The following TBCK variants were observed in gnomAD, a reference collection of about 807,000 sequenced individuals.
The protein encoded by TBCK is TBC domain-containing protein kinase-like protein.
A neutral mutation model predicts 113.4 loss-of-function variants in TBCK; 99 were observed. The ratio of observed to expected loss-of-function variants is 0.87; its 90% CI spans 0.74 to 1.03. The LOEUF (loss-of-function observed/expected upper bound fraction) is 1.03. TBCK is among the 50% of genes least tolerant of loss of function. TBCK has a pLI of 0.00. For missense variants in TBCK, 1,045 were observed against 1,061.3 expected (o/e 0.98, Z 0.21); for synonymous variants, 369 against 370.8 (o/e 1.00, Z 0.05).
chr4:106,236,877 A>G, intron 12 of TBCK, 69 bp from the exon 13 acceptor site: 1 of 864,938 alleles, frequency 1.2e-6, no homozygotes, highest in Non-Finnish European at 1.7e-6. Context: ...GTGTTTAAAA[A>G]GACAAGTAAT....
intron 3 of TBCK, among the ~76,000 whole-genome samples, chr4:106,290,161 G>A (rs1338034577): frequency 6.6e-6 from 1 of 151,980 alleles, no homozygotes; most frequent in Non-Finnish European, 1.5e-5. Flanking sequence ...TAGTGAGCAA[G>A]GAATAATATA....
chr4:106,177,959 G>A (rs565598519), intron 22 of TBCK, among the ~76,000 whole-genome samples: 1 of 151,964 alleles, frequency 6.6e-6, no homozygotes, highest in East Asian at 1.9e-4. Context: ...TAATCTATAA[G>A]CACATGATAT....
Position 106,139,126 on chromosome 4 carries a change from GAATA to G in TBCK, c.2236-22752_2236-22749del. Among the ~76,000 whole-genome samples, 3 of 140,286 alleles carry G rather than the reference GAATA, an allele frequency of 2.1e-5. 1 individual carries two copies. The highest frequency in any genetic ancestry group is 3.6e-3 in the Middle Eastern group (1 of 280). The allele number at this position is 140,286 out of a possible 152,430, so 92.0% of individuals were successfully genotyped here. A position where few individuals can be genotyped will look rare whatever the true frequency, so the allele number is the denominator to read the frequency against. ...TTGCTCTGGTCCTCCTTGTCACTTG[GAATA>G]TTCTCCTTGCCCCCACATCACTCTC... On this transcript the variant is annotated intron_variant, in intron 23 of 25. Coordinates refer to ENST00000394708, the MANE Select transcript of TBCK (RefSeq NM_001163435.3).
intron 20 of TBCK, among the ~76,000 whole-genome samples, chr4:106,196,304 C>T (rs1033156083): frequency 6.6e-6 from 1 of 151,696 alleles, no homozygotes; most frequent in Non-Finnish European, 1.5e-5. Context: ...GTAAAAATCT[C>T]CTTTGTCAAT....
chr4:106,233,376 A>G (rs1317030309), intron 16 of TBCK, among the ~76,000 whole-genome samples: 1 of 152,038 alleles, frequency 6.6e-6, no homozygotes, highest in East Asian at 1.9e-4. Context: ...ATGAAGAACT[A>G]CAGTATTTTT....
At chr4:106,285,867 C>T (rs1579511956) in intron 3 of TBCK, among the ~76,000 whole-genome samples, 1 of 152,310 alleles carries the variant, frequency 6.6e-6, no homozygotes, top group African/African-American at 2.4e-5. Flanking sequence ...CATCTTCTCA[C>T]TTTCTATAAA....
intron 5 of TBCK, among the ~76,000 whole-genome samples, chr4:106,255,458 G>A (rs1224725538): frequency 4.6e-5 from 7 of 152,230 alleles, no homozygotes; most frequent in Admixed American, 4.6e-4. Context: ...CTGTGGCATG[G>A]CAAGCAGGTC....
chr4:106,112,319 T>C lies in TBCK; in HGVS notation c.2411+3884A>G, dbSNP rs538031994. Among the ~76,000 whole-genome samples the C allele has an allele frequency of 1.1e-3, 164 of 152,320 alleles. 1 individual carries two copies. Among genetic ancestry groups the C allele is most frequent in the Middle Eastern group, 3.4e-3 (1 of 294 alleles). ...GCACTCTCTGATTACAAAGGCCATA[T>C]AGAGCATGCCCTTCCTGCTGACAAA... On this transcript the variant is annotated intron_variant, in intron 24 of 25. Transcript: ENST00000394708.
At chr4:106,250,619 G>T in intron 6 of TBCK, 141 bp from the exon 7 acceptor site, 1 of 537,672 alleles carries the variant, frequency 1.9e-6, no homozygotes, top group Non-Finnish European at 3.3e-6. Flanking sequence ...TTTAAAGTCA[G>T]CTCCACTAAA....
chr4:106,049,943 A>G (rs770092017), intron 25 of TBCK, among the ~76,000 whole-genome samples: 16 of 151,994 alleles, frequency 1.1e-4, no homozygotes, highest in Non-Finnish European at 1.8e-4. Flanking sequence ...GAGTCATTTA[A>G]TTAGATAATG....
At chr4:106,210,922 G>T (rs1756055358) in intron 20 of TBCK, among the ~76,000 whole-genome samples, 1 of 152,034 alleles carries the variant, frequency 6.6e-6, no homozygotes, top group Non-Finnish European at 1.5e-5. Context: ...CTCTGTTCAT[G>T]AATATGTCTA....
chr4:106,253,337 A>G (rs929002057), intron 5 of TBCK, among the ~76,000 whole-genome samples: 8 of 152,170 alleles, frequency 5.3e-5, no homozygotes, highest in Admixed American at 5.2e-4. Context: ...TGAACATAAC[A>G]TTATTTATAC....
chr4:106,120,653 T>C (rs1315894039), intron 23 of TBCK, among the ~76,000 whole-genome samples: 1 of 152,198 alleles, frequency 6.6e-6, no homozygotes, highest in Non-Finnish European at 1.5e-5. Context: ...GGTGGGTCCC[T>C]GACCCCTGAC....
chr4:106,253,301 T>C (rs1164585057), intron 5 of TBCK, among the ~76,000 whole-genome samples: 1 of 152,182 alleles, frequency 6.6e-6, no homozygotes, highest in Non-Finnish European at 1.5e-5. Flanking sequence ...TGAAGCTATA[T>C]CCATTAAATT....
At chr4:106,081,528 G>C (rs1487505354) in intron 25 of TBCK, among the ~76,000 whole-genome samples, 1 of 152,162 alleles carries the variant, frequency 6.6e-6, no homozygotes, top group Non-Finnish European at 1.5e-5. Flanking sequence ...GGGGGAGCTG[G>C]GGGAGGGAGA....
At chr4:106,206,776 C>A (rs7680756) in intron 20 of TBCK, among the ~76,000 whole-genome samples, 143,585 of 152,292 alleles carry the variant, frequency 0.94, 67,945 homozygotes, top group Non-Finnish European at 0.97. Flanking sequence ...GCTGAATATA[C>A]ATTTTGAAAA....
chr4:106,081,680 TG>T (rs1489213760), intron 25 of TBCK, among the ~76,000 whole-genome samples: 1 of 152,172 alleles, frequency 6.6e-6, no homozygotes, highest in Non-Finnish European at 1.5e-5. Context: ...ATCTACAGAA[TG>T]GGAGAATATA....
At chr4:106,085,271 A>AAAAAC (rs140682905) in intron 25 of TBCK, among the ~76,000 whole-genome samples, 43,844 of 150,026 alleles carry the variant, frequency 0.29, 6,734 homozygotes, top group South Asian at 0.43. Context: ...AAATGGAAAG[A>AAAAAC]AAAACAAAAC....
intron 20 of TBCK, among the ~76,000 whole-genome samples, chr4:106,205,284 G>T (rs1349584673): frequency 1.3e-5 from 2 of 152,094 alleles, no homozygotes; most frequent in African/African-American, 4.8e-5. Context: ...TGGAAGATCT[G>T]TGTAACTCAG....
Sources: gnomAD v4.1 joint callset for allele counts (sites outside exome capture counted in the v4.1 genomes callset) on GRCh38, gnomAD v4.1.1 for gene constraint, MANE v1.5 for transcripts, NCBI Gene and HGNC (gene_info 2026-07-23, HGNC 2026-07-21) for gene names.